MYO16: variants seen among roughly 807,000 people sequenced by gnomAD.
The protein encoded by MYO16 is myosin XVI.
Under a neutral mutation model 205.3 loss-of-function variants are expected in MYO16, and 94 were observed. The observed-to-expected ratio is 0.46, with a 90% CI of 0.39 to 0.54. The LOEUF is 0.54. Among genes scored for constraint, MYO16 ranks in the 20% least tolerant of loss-of-function variants. The pLI is 0.00. For synonymous variants in MYO16, 988 were observed against 954.0 expected (o/e 1.04, Z -0.66); for missense variants, 2,315 against 2,387.5 (o/e 0.97, Z 0.63).
chr13:108,920,503 G>A (rs1881696784), intron 16 of MYO16, among the ~76,000 whole-genome samples: 1 of 151,784 alleles, frequency 6.6e-6, no homozygotes, highest in Non-Finnish European at 1.5e-5. Context: ...TTATCACCCA[G>A]GCTGGAATGC....
upstream of MYO16, among the ~76,000 whole-genome samples, chr13:108,627,557 G>A (rs1251706087): frequency 2.6e-5 from 4 of 152,106 alleles, no homozygotes; most frequent in Non-Finnish European, 4.4e-5. Context: ...GTTGCCAAAT[G>A]TTTATGGAAT....
At chr13:109,035,639 A>G (rs1886692393) in intron 23 of MYO16, among the ~76,000 whole-genome samples, 1 of 152,194 alleles carries the variant, frequency 6.6e-6, no homozygotes, top group Admixed American at 6.5e-5. Context: ...AGCAGAGATC[A>G]TGCTACTGCA....
intron 1 of MYO16, among the ~76,000 whole-genome samples, chr13:108,614,674 T>A (rs1192732745): frequency 6.6e-6 from 1 of 152,076 alleles, no homozygotes; most frequent in African/African-American, 2.4e-5. Context: ...AACACTTATA[T>A]TTATGATCAA....
chr13:108,675,524 T>C (rs1019495091), intron 2 of MYO16, among the ~76,000 whole-genome samples: 1 of 152,186 alleles, frequency 6.6e-6, no homozygotes, highest in African/African-American at 2.4e-5. Flanking sequence ...GTCTGCTATA[T>C]AGTCACAACT....
chr13:108,580,451 C>G, the MYO16 span, among the ~76,000 whole-genome samples: 3 of 152,176 alleles, frequency 2.0e-5, no homozygotes, highest in African/African-American at 7.2e-5. Flanking sequence ...TTAGTGTTTA[C>G]AAAGCATTAA....
intron 12 of MYO16, among the ~76,000 whole-genome samples, chr13:108,881,030 A>C (rs1166068963): frequency 6.6e-6 from 1 of 152,126 alleles, no homozygotes; most frequent in Non-Finnish European, 1.5e-5. Context: ...TAATTGGGAG[A>C]CACCTCCCAG....
chr13:108,550,460 A>G, the MYO16 span, among the ~76,000 whole-genome samples: 2 of 152,222 alleles, frequency 1.3e-5, no homozygotes, highest in Non-Finnish European at 2.9e-5. Flanking sequence ...TGTTCCTTAA[A>G]GAAAGTATGA....
At chr13:108,706,482 A>G (rs1211203874) in intron 2 of MYO16, among the ~76,000 whole-genome samples, 1 of 152,226 alleles carries the variant, frequency 6.6e-6, no homozygotes, top group Non-Finnish European at 1.5e-5. Flanking sequence ...CAAATTCAAG[A>G]TATTTAGCCA....
At chr13:108,935,778 T>C (rs955610973) in intron 16 of MYO16, among the ~76,000 whole-genome samples, 5 of 152,040 alleles carry the variant, frequency 3.3e-5, no homozygotes, top group African/African-American at 9.7e-5. Context: ...ATGGCTCTTA[T>C]TATTTTGAAG....
chr13:109,055,091 C>G lies in MYO16; in HGVS notation c.3094C>G (p.Arg1032Gly). The change falls in exon 26 of 35, where the codon CGA becomes GGA. Residue 1032 changes from arginine to glycine, a missense_variant. Physicochemically the swap from Arg to Gly is moderately radical, Grantham distance 125. Transcript: ENST00000457511. This position sits in a 1 kb window ranked among gnomAD's most constrained non-coding sequence, Gnocchi z 5.0. Reference sequence around the variant, plus strand: ...TTCTACATTTCTTCAAAGATTGGAACGAGGAGATCCAGTCACCATAGCATC... The same window carrying G: ...TTCTACATTTCTTCAAAGATTGGAAGGAGGAGATCCAGTCACCATAGCATC... ...GTSTFLQRLE[R>G]GDPVTIASQL... is the part of the protein sequence containing the mutation. 4 of 1,586,444 alleles carry G rather than the reference C, an allele frequency of 2.5e-6. No individual in the cohort carries two copies. The highest frequency in any genetic ancestry group is 3.4e-6 in the Non-Finnish European group (4 of 1,169,920).
At chr13:108,997,068 A>G (rs1038459938) in intron 21 of MYO16, among the ~76,000 whole-genome samples, 1 of 152,090 alleles carries the variant, frequency 6.6e-6, no homozygotes, top group Non-Finnish European at 1.5e-5. Context: ...AGGCAGGTGG[A>G]TCACTTGAGG....
chr13:108,599,631 G>A (rs570337250), intron 1 of MYO16, among the ~76,000 whole-genome samples: 1 of 151,880 alleles, frequency 6.6e-6, no homozygotes, highest in Admixed American at 6.6e-5. Flanking sequence ...TTTGGAATCA[G>A]TGAAGAAGTA....
chr13:108,560,600 T>C, the MYO16 span, among the ~76,000 whole-genome samples: 2 of 152,244 alleles, frequency 1.3e-5, no homozygotes, highest in African/African-American at 4.8e-5. Context: ...TAAATTTGGA[T>C]ATCTAAAGAA....
the MYO16 span, among the ~76,000 whole-genome samples, chr13:108,554,673 C>T: frequency 6.6e-6 from 1 of 151,904 alleles, no homozygotes; most frequent in South Asian, 2.1e-4. Flanking sequence ...CACGGTGAAA[C>T]CCCGTCTCTG....
intron 2 of MYO16, among the ~76,000 whole-genome samples, chr13:108,686,961 G>A (rs1882703150): frequency 1.3e-5 from 2 of 152,260 alleles, no homozygotes; most frequent in South Asian, 2.1e-4. Context: ...CTGGAACAAC[G>A]GCTGCTTACC....
At chr13:108,522,357 C>A in the MYO16 span, among the ~76,000 whole-genome samples, 3 of 152,210 alleles carry the variant, frequency 2.0e-5, no homozygotes, top group East Asian at 3.9e-4. Context: ...TAACATGTTC[C>A]TTTTTTTCCC....
chr13:108,815,658 C>T (rs1281915126), intron 7 of MYO16, among the ~76,000 whole-genome samples: 6 of 152,176 alleles, frequency 3.9e-5, no homozygotes, highest in Non-Finnish European at 5.9e-5. Context: ...TAAGGCAATA[C>T]ATTTTTATTG....
chr13:108,664,460 C>T (rs1881637741), intron 1 of MYO16, among the ~76,000 whole-genome samples: 1 of 152,140 alleles, frequency 6.6e-6, no homozygotes, highest in African/African-American at 2.4e-5. Flanking sequence ...GCTGGTGCAC[C>T]TGGCGGCTGT....
intron 7 of MYO16, among the ~76,000 whole-genome samples, chr13:108,819,059 A>C (rs1470438596): frequency 6.6e-6 from 1 of 152,216 alleles, no homozygotes; most frequent in Admixed American, 6.5e-5. Flanking sequence ...AGCACTATCT[A>C]GTCACTTTGA....
Sources: gnomAD v4.1 joint callset for allele counts (sites outside exome capture counted in the v4.1 genomes callset) on GRCh38, gnomAD v4.1.1 for gene constraint, Gnocchi (gnomAD v3.1) non-coding constraint, MANE v1.5 for transcripts, NCBI Gene and HGNC (gene_info 2026-07-23, HGNC 2026-07-21) for gene names.